The following AKAP6 variants were observed in gnomAD, a reference collection of about 807,000 sequenced individuals.
AKAP6 encodes A-kinase anchor protein 6.
In AKAP6, 58 loss-of-function variants were observed where a neutral mutation model predicts 188.5. The ratio of observed to expected loss-of-function variants is 0.31; its 90% CI spans 0.25 to 0.38. The LOEUF (loss-of-function observed/expected upper bound fraction) is 0.38, where lower values mean the gene tolerates loss of function less well. Among genes scored for constraint, AKAP6 ranks in the 10% least tolerant of loss-of-function variants. AKAP6 has a pLI of 1.00. For missense variants in AKAP6, 2,710 were observed against 2,740.0 expected (o/e 0.99, Z 0.24); for synonymous variants, 989 against 998.6 (o/e 0.99, Z 0.18).
In AKAP6 at chr14:32,764,695, T is replaced by TACACAC. The variant is rs34290753; in HGVS notation, c.3373-8966_3373-8961dup. On this transcript the variant is annotated intron_variant, in intron 11 of 13. Transcript: ENST00000280979. ...TTGTCAAATAGATAGATGACAATAA[T>TACACAC]ACACACACACACACACACACACGCA... is the stretch of plus-strand genomic sequence containing the variant. 4.3e-3 allele frequency among the ~76,000 whole-genome samples: 633 copies of TACACAC among 148,434 alleles called. 4 individuals are homozygous for TACACAC. The highest frequency in any genetic ancestry group is 0.014 in the African/African-American group (576 of 40,486).
chr14:32,782,843 G>C (rs2033292991), intron 12 of AKAP6, among the ~76,000 whole-genome samples: 1 of 150,734 alleles, frequency 6.6e-6, no homozygotes, highest in South Asian at 2.1e-4. Flanking sequence ...TTTATCTATA[G>C]AATTAATGTA....
At chr14:32,533,234 G>A (rs1882504570) in intron 2 of AKAP6, among the ~76,000 whole-genome samples, 1 of 152,182 alleles carries the variant, frequency 6.6e-6, no homozygotes, top group Non-Finnish European at 1.5e-5. Context: ...GTAATGTAGA[G>A]GAGTAAAAGG....
At chr14:32,717,114 G>C (rs933672699) in intron 9 of AKAP6, among the ~76,000 whole-genome samples, 3 of 152,116 alleles carry the variant, frequency 2.0e-5, no homozygotes. Flanking sequence ...AAAGGCAGAA[G>C]TAACAGTTGC....
Position 32,824,032 on chromosome 14 carries a change from T to C in AKAP6, c.6219T>C (p.Ser2073=), listed in dbSNP as rs150823039. Residue 2073 remains serine, a synonymous_variant, in exon 13 of 14, where the codon AGT becomes AGC. Coordinates refer to ENST00000280979, the MANE Select transcript of AKAP6 (RefSeq NM_004274.5). ...IIDMASTALK[S]KSQPENEVAA... ...ACATGGCTTCGACAGCCCTAAAAAG[T>C]AAATCTCAACCTGAAAACGAGGTGG... is the stretch of plus-strand genomic sequence containing the variant. 8.7e-6 allele frequency: 14 copies of C among 1,613,736 alleles called. No homozygotes were observed. In the African/African-American group the frequency reaches 1.9e-4, roughly 22 times the overall value.
intron 9 of AKAP6, among the ~76,000 whole-genome samples, chr14:32,711,986 A>T (rs2029894080): frequency 6.6e-6 from 1 of 152,010 alleles, no homozygotes. Context: ...TTAGTAATTG[A>T]CTTTGCCTAT....
chr14:32,532,826 A>G (rs963587800), intron 2 of AKAP6, among the ~76,000 whole-genome samples: 1 of 152,168 alleles, frequency 6.6e-6, no homozygotes, highest in East Asian at 1.9e-4. Flanking sequence ...TTGAACAGTG[A>G]TAACTATAGA....
At chr14:32,426,542 T>C (rs1392334260) in intron 1 of AKAP6, among the ~76,000 whole-genome samples, 2 of 152,122 alleles carry the variant, frequency 1.3e-5, no homozygotes, top group Non-Finnish European at 2.9e-5. Flanking sequence ...TATATTAAAG[T>C]TTTACAAATC....
intron 2 of AKAP6, among the ~76,000 whole-genome samples, chr14:32,528,818 C>T (rs867248329): frequency 6.6e-6 from 1 of 152,036 alleles, no homozygotes. Context: ...GCTGGGATTA[C>T]AGGCATGCAA....
intron 11 of AKAP6, among the ~76,000 whole-genome samples, chr14:32,740,757 C>G (rs2031634473): frequency 1.3e-5 from 2 of 151,966 alleles, no homozygotes; most frequent in Admixed American, 6.6e-5. Flanking sequence ...TGGTACCATG[C>G]TATTTGGTTA....
chr14:32,492,441 G>A (rs1880088893), intron 2 of AKAP6, among the ~76,000 whole-genome samples: 1 of 150,610 alleles, frequency 6.6e-6, no homozygotes, highest in Non-Finnish European at 1.5e-5. Flanking sequence ...GTGTGTGGCA[G>A]ATTTATGGAA....
chr14:32,395,046 A>G (rs1222395447), intron 1 of AKAP6, among the ~76,000 whole-genome samples: 1 of 150,956 alleles, frequency 6.6e-6, no homozygotes, highest in Non-Finnish European at 1.5e-5. Context: ...AAGTAGTAAT[A>G]TGGCGTTATC....
At chr14:32,686,882 G>A (rs1271260221) in intron 8 of AKAP6, among the ~76,000 whole-genome samples, 1 of 152,098 alleles carries the variant, frequency 6.6e-6, no homozygotes, top group African/African-American at 2.4e-5. Flanking sequence ...CTCTGGCTGT[G>A]GATGAAATTG....
intron 1 of AKAP6, among the ~76,000 whole-genome samples, chr14:32,364,323 A>T (rs1002778572): frequency 1.3e-5 from 2 of 152,200 alleles, no homozygotes; most frequent in African/African-American, 4.8e-5. Flanking sequence ...TTGTAACCTC[A>T]TATTACATTT....
intron 1 of AKAP6, among the ~76,000 whole-genome samples, chr14:32,340,170 T>G (rs1013201390): frequency 6.6e-6 from 1 of 151,882 alleles, no homozygotes; most frequent in Non-Finnish European, 1.5e-5. Context: ...AAACTCAGTG[T>G]TTTTATTTTA....
At chr14:32,826,844 T>A (rs1320495998) in intron 13 of AKAP6, among the ~76,000 whole-genome samples, 1 of 152,190 alleles carries the variant, frequency 6.6e-6, no homozygotes, top group East Asian at 1.9e-4. Context: ...TCAGCAGTAT[T>A]TTTTGTTAAG....
chr14:32,627,157 A>G (rs759454078), intron 7 of AKAP6, among the ~76,000 whole-genome samples: 2 of 152,160 alleles, frequency 1.3e-5, no homozygotes, highest in Non-Finnish European at 2.9e-5. Context: ...TGAATGTACC[A>G]TCAAATGCTC....
Position 32,561,065 on chromosome 14 carries a change from G to T in AKAP6, c.2346+14066G>T, listed in dbSNP as rs145546987. Among the ~76,000 whole-genome samples, 1,213 of 152,250 alleles carry T rather than the reference G, an allele frequency of 8.0e-3. 16 individuals are homozygous for T. The highest frequency in any genetic ancestry group is 0.028 in the African/African-American group (1,144 of 41,550). On this transcript the variant is annotated intron_variant, in intron 4 of 13. Coordinates refer to ENST00000280979, the MANE Select transcript of AKAP6 (RefSeq NM_004274.5). Reference sequence around the variant, plus strand: ...ATATAGAACTTAAACATTGGGCTCAGTTCACAATCCCTCATTTTAATTATG... The same window carrying T: ...ATATAGAACTTAAACATTGGGCTCATTTCACAATCCCTCATTTTAATTATG...
chr14:32,469,891 C>T lies in AKAP6; in HGVS notation c.324+36074C>T, dbSNP rs116872998. The stretch of plus-strand genomic sequence containing the variant: ...GACATGCATATATGACATATTTTAT[C>T]GCTTTTCAAATCAGATGTTTATCTT... On this transcript the variant is annotated intron_variant, in intron 2 of 13. Coordinates refer to ENST00000280979, the MANE Select transcript of AKAP6 (RefSeq NM_004274.5). Among the ~76,000 whole-genome samples, 95 of 152,168 alleles carry T rather than the reference C, an allele frequency of 6.2e-4. 1 individual carries two copies. In the East Asian group the frequency reaches 0.017, roughly 27 times the overall value.
intron 7 of AKAP6, among the ~76,000 whole-genome samples, chr14:32,653,806 G>C (rs1317952498): frequency 6.6e-6 from 1 of 152,050 alleles, no homozygotes; most frequent in Non-Finnish European, 1.5e-5. Context: ...AGTAAAACTA[G>C]GGCAAATAAA....
Sources: allele counts gnomAD v4.1 joint callset (sites outside exome capture counted in the v4.1 genomes callset), GRCh38; gene constraint gnomAD v4.1.1; transcripts MANE v1.5; gene names NCBI Gene and HGNC (gene_info 2026-07-23, HGNC 2026-07-21).